SLC10A7: variants seen among roughly 807,000 people sequenced by gnomAD.
SLC10A7 encodes sodium/bile acid cotransporter 7.
In SLC10A7, 29 loss-of-function variants were observed where a neutral mutation model predicts 43.2. The ratio of observed to expected loss-of-function variants is 0.67; its 90% CI spans 0.50 to 0.92. The LOEUF (loss-of-function observed/expected upper bound fraction) is 0.92, where lower values mean the gene tolerates loss of function less well. Among genes scored for constraint, SLC10A7 ranks in the 40% least tolerant of loss-of-function variants. The pLI is 0.00. For synonymous variants in SLC10A7, 152 were observed against 144.8 expected (o/e 1.05, Z -0.35); for missense variants, 295 against 403.2 (o/e 0.73, Z 2.30).
At chr4:146,471,661 G>C (rs1021709355) in intron 4 of SLC10A7, among the ~76,000 whole-genome samples, 1 of 152,102 alleles carries the variant, frequency 6.6e-6, no homozygotes, top group Non-Finnish European at 1.5e-5. Context: ...ATTATGGCAA[G>C]CATTTAATGA....
chr4:146,493,399 A>T (rs1159389434), intron 4 of SLC10A7, among the ~76,000 whole-genome samples: 3 of 151,442 alleles, frequency 2.0e-5, no homozygotes, highest in Admixed American at 6.6e-5. Flanking sequence ...TTGATAACCC[A>T]TTTTCAATGT....
chr4:146,307,569 G>T (rs1362759659), intron 6 of SLC10A7, among the ~76,000 whole-genome samples: 5 of 152,056 alleles, frequency 3.3e-5, no homozygotes, highest in African/African-American at 7.2e-5. Flanking sequence ...CCTGGGGCAA[G>T]GACTGAAATA....
chr4:146,480,548 T>C (rs747349795), intron 4 of SLC10A7, among the ~76,000 whole-genome samples: 1 of 152,110 alleles, frequency 6.6e-6, no homozygotes, highest in Non-Finnish European at 1.5e-5. Context: ...CTCCTCAAGC[T>C]CTAATCAAAT....
At chr4:146,333,191 A>AT (rs373505065) in intron 5 of SLC10A7, among the ~76,000 whole-genome samples, 3 of 152,204 alleles carry the variant, frequency 2.0e-5, no homozygotes, top group East Asian at 3.9e-4. Flanking sequence ...AAAAAGTGTG[A>AT]TTTTTTTCAG....
intron 5 of SLC10A7, among the ~76,000 whole-genome samples, chr4:146,375,238 A>C (rs944357775): frequency 6.6e-6 from 1 of 152,084 alleles, no homozygotes; most frequent in African/African-American, 2.4e-5. Context: ...AAGCAAAACA[A>C]AACACAACAA....
At chr4:146,349,565 T>C (rs1237148499) in intron 5 of SLC10A7, among the ~76,000 whole-genome samples, 2 of 152,208 alleles carry the variant, frequency 1.3e-5, no homozygotes, top group African/African-American at 2.4e-5. Flanking sequence ...CACAAGCATG[T>C]TCACTGCACC....
chr4:146,436,132 A>G (rs777465773), intron 5 of SLC10A7, among the ~76,000 whole-genome samples: 3 of 152,252 alleles, frequency 2.0e-5, no homozygotes, highest in South Asian at 2.1e-4. Context: ...GGTCATTCCT[A>G]TAATTAAATC....
intron 7 of SLC10A7, among the ~76,000 whole-genome samples, chr4:146,297,649 A>G (rs541805638): frequency 6.6e-6 from 1 of 152,114 alleles, no homozygotes; most frequent in African/African-American, 2.4e-5. Flanking sequence ...TTCAATTTTT[A>G]TCCTCTATTG....
intron 5 of SLC10A7, among the ~76,000 whole-genome samples, chr4:146,425,218 C>G (rs1216112211): frequency 4.6e-5 from 7 of 151,790 alleles, no homozygotes; most frequent in Non-Finnish European, 5.9e-5. Flanking sequence ...AAGAAACATA[C>G]AAAAATAAAG....
At chr4:146,442,481 G>C (rs955568877) in intron 5 of SLC10A7, 2 of 1,117,438 alleles carry the variant, frequency 1.8e-6, no homozygotes, top group African/African-American at 3.3e-5. Context: ...TAATCTAAAA[G>C]ACCTCATTAA....
chr4:146,482,407 T>TA (rs1734555903), intron 4 of SLC10A7, among the ~76,000 whole-genome samples: 1 of 152,034 alleles, frequency 6.6e-6, no homozygotes, highest in Non-Finnish European at 1.5e-5. Flanking sequence ...AACAAATTCA[T>TA]AAAGAAATAG....
At chr4:146,334,631 G>C (rs1733754791) in intron 5 of SLC10A7, among the ~76,000 whole-genome samples, 1 of 152,102 alleles carries the variant, frequency 6.6e-6, no homozygotes. Context: ...CAGGAATAGA[G>C]ATTTAGTAAA....
chr4:146,434,869 G>C (rs1177486650), intron 5 of SLC10A7, among the ~76,000 whole-genome samples: 1 of 152,080 alleles, frequency 6.6e-6, no homozygotes, highest in Non-Finnish European at 1.5e-5. Flanking sequence ...CCTACTTGAA[G>C]TTTTATAGTA....
chr4:146,327,666 T>C (rs1469767707), intron 5 of SLC10A7, among the ~76,000 whole-genome samples: 1 of 152,254 alleles, frequency 6.6e-6, no homozygotes, highest in Non-Finnish European at 1.5e-5. Context: ...ACATGGTCCC[T>C]ATGCTTAAAC....
chr4:146,481,247 G>A (rs1000486906), intron 4 of SLC10A7, among the ~76,000 whole-genome samples: 8 of 152,150 alleles, frequency 5.3e-5, no homozygotes, highest in Non-Finnish European at 8.8e-5. Context: ...CCACTCCCCA[G>A]TCCAAATAGG....
In SLC10A7 at chr4:146,354,311, A is replaced by C. The variant is rs1389534839; in HGVS notation, c.436-28315T>G. On this transcript the variant is annotated intron_variant, in intron 5 of 11. Coordinates refer to ENST00000335472, the MANE Select transcript of SLC10A7 (RefSeq NM_001029998.6). Reference sequence around the variant, plus strand: ...CAATTGCTTCAAACAGAATAAAATAACTAGGAATCCAACTTACAAGGGATG... The same window carrying C: ...CAATTGCTTCAAACAGAATAAAATACCTAGGAATCCAACTTACAAGGGATG... Among the ~76,000 whole-genome samples, 15 of 152,264 alleles carry C rather than the reference A, an allele frequency of 9.9e-5. No individual in the cohort carries two copies. In the South Asian group the frequency reaches 1.9e-3, roughly 19 times the overall value.
chr4:146,385,231 A>C (rs911049750), intron 5 of SLC10A7, among the ~76,000 whole-genome samples: 3 of 152,052 alleles, frequency 2.0e-5, no homozygotes, highest in African/African-American at 7.2e-5. Context: ...ATTGTTACTA[A>C]ATTCTTCTGT....
At chr4:146,367,060 GC>G (rs1258707486) in intron 5 of SLC10A7, among the ~76,000 whole-genome samples, 1 of 151,576 alleles carries the variant, frequency 6.6e-6, no homozygotes, top group Non-Finnish European at 1.5e-5. Context: ...CATCTACAAG[GC>G]ATTTCTTCAG....
intron 6 of SLC10A7, among the ~76,000 whole-genome samples, chr4:146,317,881 G>A (rs939827823): frequency 7.9e-5 from 12 of 151,952 alleles, no homozygotes; most frequent in Non-Finnish European, 5.9e-5. Flanking sequence ...GCCTTGGACT[G>A]AATTACATCA....
Sources: gnomAD v4.1 joint callset for allele counts (sites outside exome capture counted in the v4.1 genomes callset) on GRCh38, gnomAD v4.1.1 for gene constraint, MANE v1.5 for transcripts, NCBI Gene and HGNC (gene_info 2026-07-23, HGNC 2026-07-21) for gene names.